The following MYOM2 variants were observed in gnomAD, a reference collection of about 807,000 sequenced individuals.
The protein encoded by MYOM2 is myomesin 2, also known as myomesin-2.
Under a neutral mutation model 187.6 loss-of-function variants are expected in MYOM2, and 254 were observed. The ratio of observed to expected loss-of-function variants is 1.35; its 90% CI spans 1.22 to 1.50. The LOEUF is 1.50. Among genes scored for constraint, MYOM2 ranks in the 40% most tolerant of loss-of-function variants. The pLI is 0.00. For missense variants in MYOM2, 2,796 were observed against 1,924.0 expected, an observed-to-expected ratio of 1.45 and a Z score of -8.48; for synonymous variants, 981 against 753.8, an observed-to-expected ratio of 1.30 and a Z score of -4.94.
At chr8:2,085,240 C>T (rs1040314638) in intron 13 of MYOM2, 23 bp from the exon 14 acceptor site, 4 of 1,612,312 alleles carry the variant, frequency 2.5e-6, no homozygotes, top group Non-Finnish European at 3.4e-6. Context: ...CTTCAGCACT[C>T]ACCGAATTTA....
chr8:2,137,563 G>GTT (rs1554437056), intron 32 of MYOM2, among the ~76,000 whole-genome samples: 2 of 127,830 alleles, frequency 1.6e-5, no homozygotes, highest in Non-Finnish European at 3.1e-5. Flanking sequence ...GCTGTGCCTG[G>GTT]TTGTGTGTGT....
rs1798410926 is a variant in MYOM2 at position 2,144,944 on chromosome 8, A to G, written c.4361A>G (p.Lys1454Arg). 6.2e-7 allele frequency: 1 copy of G among 1,614,092 alleles called. No homozygotes were observed. The highest frequency in any genetic ancestry group is 8.5e-7 in the Non-Finnish European group (1 of 1,180,050). The change falls in exon 37 of 37, where the codon AAG becomes AGG. Residue 1454 changes from lysine (K) to arginine (R), a missense_variant. By Grantham distance (26) the Lys-to-Arg change is conservative. Coordinates refer to ENST00000262113, the MANE Select transcript of MYOM2 (RefSeq NM_003970.4). ...DMAPPQQAKP[K>R]LIPASASAAG... ...GCCCCGCCCCAGCAAGCCAAGCCCA[A>G]GCTCATCCCCGCGTCTGCCTCAGCG...
intron 28 of MYOM2, among the ~76,000 whole-genome samples, chr8:2,118,608 A>T (rs1797324754): frequency 6.6e-6 from 1 of 152,194 alleles, no homozygotes; most frequent in Non-Finnish European, 1.5e-5. Context: ...CAGGCCAGTG[A>T]GTGGGAAAAG....
At chr8:2,079,695 A>T in intron 13 of MYOM2, 82 bp downstream of exon 13, 6 of 1,421,952 alleles carry the variant, frequency 4.2e-6, no homozygotes, top group Non-Finnish European at 5.0e-6. Context: ...TGGACAGAGA[A>T]CGCCCCCTAC....
intron 25 of MYOM2, among the ~76,000 whole-genome samples, chr8:2,109,899 C>T (rs963460126): frequency 6.6e-6 from 1 of 152,140 alleles, no homozygotes; most frequent in Non-Finnish European, 1.5e-5. Context: ...TGAGAGAGGC[C>T]TCCCTGCATT....
intron 1 of MYOM2, among the ~76,000 whole-genome samples, chr8:2,047,962 AC>A (rs1563408930): frequency 6.6e-6 from 1 of 152,188 alleles, no homozygotes; most frequent in Non-Finnish European, 1.5e-5. Flanking sequence ...AGCTCTCAAG[AC>A]CTGAGCCGTT....
intron 20 of MYOM2, 99 bp downstream of exon 20, chr8:2,101,153 C>T: frequency 3.2e-6 from 4 of 1,241,024 alleles, no homozygotes; most frequent in Non-Finnish European, 4.5e-6. Flanking sequence ...CGAAACCAGC[C>T]TGGCCAACAT....
Position 2,057,662 on chromosome 8 carries a change from G to T in MYOM2, c.442G>T (p.Glu148Ter). The stretch of plus-strand genomic sequence containing the variant: ...GGCCTGGGAGAGACACACATTTGAA[G>T]AGCGGATAAGCAGGGCTCCTGAGAT... ...KLAWERHTFEERISRAPEILV... is the reference protein window; with the variant it reads ...KLAWERHTFE Residue 148 changes from glutamate (E) to a stop codon, truncating the protein, a stop_gained, in exon 5 of 37, where the codon GAG becomes TAG. Transcript: ENST00000262113. LOFTEE classifies it high-confidence loss of function. 6.2e-7 allele frequency: 1 copy of T among 1,614,160 alleles called. No individual in the cohort carries two copies. The highest frequency in any genetic ancestry group is 2.2e-5 in the East Asian group (1 of 44,874).
At chr8:2,102,478 C>T (rs1055585755) in intron 20 of MYOM2, among the ~76,000 whole-genome samples, 189 bp from the exon 21 acceptor site, 9 of 152,158 alleles carry the variant, frequency 5.9e-5, no homozygotes, top group African/African-American at 2.2e-4. Flanking sequence ...TGCGTTTATT[C>T]CTCCAAAGTC....
In MYOM2 at chr8:2,113,825, C is replaced by G. The variant is rs571570797; in HGVS notation, c.3181-2135C>G. Among the ~76,000 whole-genome samples the G allele has an allele frequency of 1.2e-3, 186 of 152,354 alleles. 1 individual carries two copies. Among genetic ancestry groups the G allele is most frequent in the African/African-American group, 3.9e-3 (161 of 41,584 alleles). ...GCAGGGTGAGCTAAGCCCCCTCCAG[C>G]TGACTTTCTCATCAGAACCTTGTTG... On this transcript the variant is annotated intron_variant, in intron 25 of 36. Coordinates refer to ENST00000262113, the MANE Select transcript of MYOM2 (RefSeq NM_003970.4).
In MYOM2 at chr8:2,062,200, G is replaced by A. The variant is rs1385103359; in HGVS notation, c.653+2955G>A. On this transcript the variant is annotated intron_variant, in intron 6 of 36. Transcript: ENST00000262113. ...TAGCCAGTGGCCCTGCAGATCACGG[G>A]GACCCCGTGGGCCATTGTAAGGACA... 2.6e-5 allele frequency among the ~76,000 whole-genome samples: 4 copies of A among 152,222 alleles called. No homozygotes were observed. The East Asian group carries it at 5.8e-4, about 22-fold the overall frequency.
chr8:2,047,985 C>A (rs1189056576), intron 1 of MYOM2, among the ~76,000 whole-genome samples: 1 of 152,194 alleles, frequency 6.6e-6, no homozygotes, highest in African/African-American at 2.4e-5. Context: ...CACATTCTTC[C>A]AGGTCTTAGG....
chr8:2,124,842 A>G (rs1356703522), intron 31 of MYOM2, among the ~76,000 whole-genome samples: 1 of 152,138 alleles, frequency 6.6e-6, no homozygotes, highest in Non-Finnish European at 1.5e-5. Context: ...CCTGATGATT[A>G]GAGATGTTCA....
chr8:2,058,924 G>A (rs558786005), intron 5 of MYOM2, among the ~76,000 whole-genome samples: 12 of 152,322 alleles, frequency 7.9e-5, no homozygotes, highest in Middle Eastern at 3.4e-3. Context: ...TTGATCTGCC[G>A]AATGGGGAAT....
intron 36 of MYOM2, 103 bp from the exon 37 acceptor site, chr8:2,144,561 C>T: frequency 2.6e-6 from 3 of 1,166,526 alleles, no homozygotes; most frequent in Non-Finnish European, 3.8e-6. Flanking sequence ...ATTGAAGGAC[C>T]AATAAATGTA....
intron 25 of MYOM2, 140 bp downstream of exon 25, chr8:2,109,671 G>A: frequency 1.2e-6 from 1 of 859,518 alleles, no homozygotes; most frequent in East Asian, 2.9e-5. Context: ...AGGTTGACAA[G>A]ATGAATGGAG....
At chr8:2,073,813 C>T (rs1418834724) in intron 10 of MYOM2, among the ~76,000 whole-genome samples, 1 of 152,228 alleles carries the variant, frequency 6.6e-6, no homozygotes, top group East Asian at 1.9e-4. Context: ...CAGATTTACT[C>T]ATTCTCAGGG....
chr8:2,059,731 C>T (rs112216891), intron 6 of MYOM2, among the ~76,000 whole-genome samples: 4,998 of 147,216 alleles, frequency 0.034, 140 homozygotes, highest in Middle Eastern at 0.071. Flanking sequence ...TTTCCTCACG[C>T]GACACACACA....
chr8:2,069,565 A>G (rs901121016), intron 8 of MYOM2, 68 bp downstream of exon 8: 140 of 1,569,628 alleles, frequency 8.9e-5, no homozygotes, highest in Non-Finnish European at 1.1e-4. Flanking sequence ...ATTTGAAAAC[A>G]TGGTTTCCTA....
Sources: allele counts gnomAD v4.1 joint callset (sites outside exome capture counted in the v4.1 genomes callset), GRCh38; gene constraint gnomAD v4.1.1; transcripts MANE v1.5; gene names NCBI Gene and HGNC (gene_info 2026-07-23, HGNC 2026-07-21).